SLC3A2: variants seen among roughly 807,000 people sequenced by gnomAD.
SLC3A2 encodes amino acid transporter heavy chain SLC3A2.
In SLC3A2, 32 loss-of-function variants were observed where a neutral mutation model predicts 48.5. That is an observed-to-expected ratio of 0.66 (90% CI 0.50 to 0.89). The LOEUF is 0.89. SLC3A2 is among the 40% of genes least tolerant of loss of function. The pLI, the probability that SLC3A2 is intolerant of heterozygous loss-of-function variation, is 0.00. For missense variants in SLC3A2, 587 were observed against 680.7 expected, an observed-to-expected ratio of 0.86 and a Z score of 1.53; for synonymous variants, 277 against 288.8, an observed-to-expected ratio of 0.96 and a Z score of 0.41.
chr11:62,859,344 G>A (rs904831972), intron 1 of SLC3A2, among the ~76,000 whole-genome samples: 2 of 152,156 alleles, frequency 1.3e-5, no homozygotes, highest in Non-Finnish European at 2.9e-5. Flanking sequence ...CAGAGAGCAC[G>A]GGGTTGGGGG....
rs74458132 is a variant in SLC3A2 at position 62,883,252 on chromosome 11, C to T, written c.690+253C>T. 1,354 of 451,718 alleles carry T rather than the reference C, an allele frequency of 3.0e-3. 11 individuals carry two copies. Among genetic ancestry groups the T allele is most frequent in the African/African-American group, 0.024 (1,246 of 51,082 alleles). 28.0% of individuals were successfully genotyped at this position (451,718 alleles called of 1,614,324 possible). A position where few individuals can be genotyped will look rare whatever the true frequency, so the allele number is the denominator to read the frequency against. On this transcript the variant is annotated intron_variant, in intron 3 of 8. Transcript: ENST00000338663. Reference sequence around the variant, plus strand: ...AGACAGTGCCAGGAAGGGACCTTCTCAGAAGTCAGTCTGGAAGTTTGATTT... The same window carrying T: ...AGACAGTGCCAGGAAGGGACCTTCTTAGAAGTCAGTCTGGAAGTTTGATTT...
At chr11:62,872,801 C>T (rs921524997) in intron 1 of SLC3A2, among the ~76,000 whole-genome samples, 7 of 152,028 alleles carry the variant, frequency 4.6e-5, no homozygotes, top group Non-Finnish European at 1.0e-4. Flanking sequence ...GGGGTTTCTC[C>T]ATGTTGGTCA....
At chr11:62,860,739 C>A (rs2085390534) in intron 1 of SLC3A2, among the ~76,000 whole-genome samples, 1 of 152,166 alleles carries the variant, frequency 6.6e-6, no homozygotes, top group Non-Finnish European at 1.5e-5. Context: ...TGGAGAGAAA[C>A]CTTGGACGAT....
At chr11:62,878,012 C>T (rs760467430), upstream of SLC3A2, among the ~76,000 whole-genome samples, 4 of 152,136 alleles carry the variant, frequency 2.6e-5, no homozygotes, top group Admixed American at 6.5e-5. Flanking sequence ...CAAAATTAGC[C>T]GGGTGTGGCG....
intron 1 of SLC3A2, among the ~76,000 whole-genome samples, chr11:62,863,188 T>C (rs1456589597): frequency 6.6e-6 from 1 of 152,206 alleles, no homozygotes; most frequent in Non-Finnish European, 1.5e-5. Flanking sequence ...CCTAAAGTGC[T>C]GGGATTACAG....
At chr11:62,872,117 A>G (rs1312845518) in intron 1 of SLC3A2, among the ~76,000 whole-genome samples, 2 of 152,052 alleles carry the variant, frequency 1.3e-5, no homozygotes, top group Non-Finnish European at 1.5e-5. Context: ...GGGTTTCACC[A>G]TGTTAGCCAG....
Position 62,881,291 on chromosome 11 carries a change from C to T in SLC3A2, c.268C>T (p.Leu90Phe). 6.3e-7 allele frequency: 1 copy of T among 1,576,388 alleles called. No individual in the cohort carries two copies. The highest frequency in any genetic ancestry group is 8.6e-7 in the Non-Finnish European group (1 of 1,164,312). The change falls in exon 1 of 9, where the codon CTC becomes TTC. Residue 90 changes from leucine to phenylalanine, a missense_variant. Leu to Phe is a conservative substitution (Grantham distance 22, BLOSUM62 0). This residue lies in a region of SLC3A2 where 409 missense variants were observed against 446.7 expected (regional missense o/e 0.92). Coordinates refer to ENST00000338663, the MANE Select transcript of SLC3A2 (RefSeq NM_001013251.3). The surrounding 1 kb of genome is among the most constrained non-coding windows in gnomAD (Gnocchi z 4.0). Reference sequence around the variant, plus strand: ...CTGGGCACTGCTGCTGCTCTTCTGGCTCGGCTGGCTCGGCATGCTTGCTGG... The same window carrying T: ...CTGGGCACTGCTGCTGCTCTTCTGGTTCGGCTGGCTCGGCATGCTTGCTGG... ...TRWALLLLFW[L>F]GWLGMLAGAV...
At chr11:62,858,314 A>G (rs10897300) in intron 1 of SLC3A2, among the ~76,000 whole-genome samples, 13,615 of 152,264 alleles carry the variant, frequency 0.089, 776 homozygotes, top group African/African-American at 0.16. Context: ...TCACAGCTCC[A>G]GCTGATTGTT....
upstream of SLC3A2, among the ~76,000 whole-genome samples, chr11:62,875,970 A>C (rs188857892): frequency 3.9e-5 from 6 of 152,196 alleles, no homozygotes; most frequent in Admixed American, 1.3e-4. Context: ...GGCTCAAGTG[A>C]TCCTCCCACT....
intron 1 of SLC3A2, among the ~76,000 whole-genome samples, chr11:62,870,453 G>T (rs2085499475): frequency 6.6e-6 from 1 of 151,674 alleles, no homozygotes; most frequent in South Asian, 2.1e-4. Context: ...CAAAGTACTG[G>T]GATTACAGGT....
exon 1 of SLC3A2, chr11:62,856,305 C>G: frequency 6.2e-7 from 1 of 1,613,598 alleles, no homozygotes; most frequent in Non-Finnish European, 8.5e-7. Context: ...CGATCGCCGT[C>G]GTGTCGATTC....
At chr11:62,871,630 G>T in intron 1 of SLC3A2, 1 of 663,190 alleles carries the variant, frequency 1.5e-6, no homozygotes, top group African/African-American at 1.8e-5. Flanking sequence ...GGCCTCAAGT[G>T]ATCCTCCTGC....
intron 3 of SLC3A2, chr11:62,884,227 A>C: frequency 3.3e-6 from 2 of 602,480 alleles, no homozygotes; most frequent in Non-Finnish European, 5.9e-6. Flanking sequence ...TGCCAGAGGC[A>C]AGAATGAGAA....
chr11:62,876,990 T>C, upstream of SLC3A2: 2 of 979,602 alleles, frequency 2.0e-6, no homozygotes, highest in Non-Finnish European at 1.2e-6. Flanking sequence ...GTTATTTAAA[T>C]TCCTTTTCAT....
chr11:62,856,218 C>A (rs938140659), exon 1 of SLC3A2: 2 of 1,465,472 alleles, frequency 1.4e-6, no homozygotes, highest in Non-Finnish European at 1.9e-6. Context: ...TAACCCTGTT[C>A]TGAGCTGCCC....
At chr11:62,876,230 C>T (rs993245184), upstream of SLC3A2, among the ~76,000 whole-genome samples, 4 of 152,126 alleles carry the variant, frequency 2.6e-5, no homozygotes, top group Admixed American at 6.6e-5. Flanking sequence ...AGTAATAATC[C>T]TCATGTGTTA....
rs185711029 is a variant in SLC3A2, at chr11:62,888,798, A to T, written c.*105A>T. ...ACAAACAAACAAACTGTTGCAGATT[A>T]TGAGTGAACCCCCAAATAGGGTGTT... On this transcript the variant is annotated 3_prime_UTR_variant, in exon 9 of 9. Transcript: ENST00000338663. 5.9e-5 allele frequency: 67 copies of T among 1,138,426 alleles called. No homozygotes were observed. The East Asian group carries it at 1.6e-3, about 27-fold the overall frequency. The allele number at this position is 1,138,426 out of a possible 1,614,324, so 70.5% of individuals were successfully genotyped here. A position where few individuals can be genotyped will look rare whatever the true frequency, so the allele number is the denominator to read the frequency against.
At position 62,885,162 on chromosome 11, in the gene SLC3A2, C is replaced by A. The variant is rs201073647; in HGVS notation, c.819-15C>A. Reference sequence around the variant, plus strand: ...TTTCTTGTGCTAACCTTGAACTCCTCCCTCCCCTCTGCAGGCTCTTGATTG... The same window carrying A: ...TTTCTTGTGCTAACCTTGAACTCCTACCTCCCCTCTGCAGGCTCTTGATTG... On this transcript the variant is annotated splice_polypyrimidine_tract_variant and intron_variant, in intron 5 of 8. Coordinates refer to ENST00000338663, the MANE Select transcript of SLC3A2 (RefSeq NM_001013251.3). 6.2e-5 allele frequency: 100 copies of A among 1,613,108 alleles called. No homozygotes were observed. The highest frequency in any genetic ancestry group is 7.9e-5 in the Non-Finnish European group (93 of 1,179,708).
At chr11:62,874,067 A>G (rs1370546578) in intron 1 of SLC3A2, among the ~76,000 whole-genome samples, 2 of 128,770 alleles carry the variant, frequency 1.6e-5, no homozygotes, top group African/African-American at 6.0e-5. Context: ...ACAGAGTTTA[A>G]CTCTGTACAT....
Sources: gnomAD v4.1 joint callset for allele counts (sites outside exome capture counted in the v4.1 genomes callset) on GRCh38, gnomAD v4.1.1 for gene constraint, gnomAD v4.1.1 regional missense constraint, Gnocchi (gnomAD v3.1) non-coding constraint, MANE v1.5 for transcripts, NCBI Gene and HGNC (gene_info 2026-07-23, HGNC 2026-07-21) for gene names.